The following SPATA9 variants were observed in gnomAD, a reference collection of about 807,000 sequenced individuals.
SPATA9 encodes the protein spermatogenesis associated 9.
SPATA9 carries 27 observed loss-of-function variants against 25.5 expected under a neutral mutation model. The observed-to-expected ratio is 1.06, with a 90% confidence interval of 0.78 to 1.46. The LOEUF is 1.46. Ranked by LOEUF, SPATA9 falls within the 40% of genes most tolerant of loss-of-function variation. SPATA9 has a pLI of 0.00. For synonymous variants in SPATA9, 102 were observed against 105.7 expected (o/e 0.97, Z 0.21); for missense variants, 282 against 297.5 (o/e 0.95, Z 0.38).
rs188022049 is a variant in SPATA9 at position 95,694,372 on chromosome 5, C to G, written n.124+4216G>C. On this transcript the variant is annotated intron_variant and non_coding_transcript_variant, in intron 1 of 2. Transcript: ENST00000379990. The stretch of plus-strand genomic sequence containing the variant: ...AGTATATTACTTAATTACCTAGCTA[C>G]TTAAGCAAATTTCCTTGGTCAAACC... 1.8e-4 allele frequency among the ~76,000 whole-genome samples: 27 copies of G among 152,230 alleles called. No individual in the cohort carries two copies. The East Asian group carries it at 3.9e-3, about 22-fold the overall frequency.
chr5:95,709,599 C>T, the SPATA9 span, among the ~76,000 whole-genome samples: 4 of 152,270 alleles, frequency 2.6e-5, no homozygotes, highest in Non-Finnish European at 4.4e-5. Context: ...CATTATCAGA[C>T]CCTATGGCAG....
chr5:95,686,144 A>G (rs1021742777), upstream of SPATA9, among the ~76,000 whole-genome samples: 1 of 152,158 alleles, frequency 6.6e-6, no homozygotes, highest in Admixed American at 6.6e-5. Flanking sequence ...AGTCAATAGT[A>G]GTTTTTATAA....
At chr5:95,673,609 T>C (rs1752624708) in intron 3 of SPATA9, among the ~76,000 whole-genome samples, 1 of 152,206 alleles carries the variant, frequency 6.6e-6, no homozygotes, top group Non-Finnish European at 1.5e-5. Context: ...TATAAAAAAC[T>C]ATAGGTTTGA....
chr5:95,690,915 T>G (rs1474747827), intron 1 of SPATA9, among the ~76,000 whole-genome samples: 2 of 152,178 alleles, frequency 1.3e-5, no homozygotes, highest in Non-Finnish European at 2.9e-5. Flanking sequence ...CAAATAAAAC[T>G]GTCTTTTCTT....
rs768523594 is a variant in SPATA9 at position 95,658,833 on chromosome 5, C to G, written c.555G>C (p.Glu185Asp). The G allele has an allele frequency of 6.2e-7, 1 of 1,613,810 alleles. No individual in the cohort carries two copies. Among genetic ancestry groups the G allele is most frequent in the African/African-American group, 1.3e-5 (1 of 74,916 alleles). ...AAAAGGCTTTTCTACAATTTTCACT[C>G]TCCTCTCTGTTTTGCCTTATGGATT... ...EEESIRQNRE[E>D]SENCRKAFSE... The change falls in exon 5 of 5, where the codon GAG (glutamate) becomes GAC (aspartate). Residue 185 changes from glutamate (E) to aspartate (D), a missense_variant. Glu to Asp is a conservative substitution (Grantham distance 45). Coordinates refer to ENST00000274432, the MANE Select transcript of SPATA9 (RefSeq NM_031952.4).
chr5:95,685,247 C>G (rs185313), upstream of SPATA9, among the ~76,000 whole-genome samples: 92,014 of 152,130 alleles, frequency 0.6, 28,582 homozygotes, highest in African/African-American at 0.74. Context: ...TTGGGTAAAA[C>G]TCAATGCTGG....
intron 4 of SPATA9, among the ~76,000 whole-genome samples, chr5:95,663,474 T>C (rs972218394): frequency 1.3e-5 from 2 of 152,184 alleles, no homozygotes; most frequent in African/African-American, 4.8e-5. Context: ...CTGTACACTT[T>C]CCTTTTTGTG....
upstream of SPATA9, among the ~76,000 whole-genome samples, chr5:95,687,803 T>C (rs930731055): frequency 6.6e-6 from 1 of 152,216 alleles, no homozygotes; most frequent in Non-Finnish European, 1.5e-5. Context: ...ATTTGTTGTC[T>C]GTTTCCCCTA....
At chr5:95,665,158 G>A (rs1580297097) in intron 3 of SPATA9, among the ~76,000 whole-genome samples, 1 of 152,174 alleles carries the variant, frequency 6.6e-6, no homozygotes, top group African/African-American at 2.4e-5. Context: ...GATCCAATCA[G>A]GGTAGTTAGC....
At chr5:95,673,323 T>C (rs1057132401) in intron 3 of SPATA9, among the ~76,000 whole-genome samples, 3 of 152,184 alleles carry the variant, frequency 2.0e-5, no homozygotes, top group African/African-American at 7.2e-5. Flanking sequence ...CTGATGCTTT[T>C]GCTGTGAATA....
chr5:95,671,921 G>GT (rs1301890270), intron 3 of SPATA9, among the ~76,000 whole-genome samples: 1 of 91,776 alleles, frequency 1.1e-5, no homozygotes, highest in East Asian at 2.4e-4. Flanking sequence ...ATTAAAAAAA[G>GT]TAAAAAAAAA....
intron 2 of SPATA9, among the ~76,000 whole-genome samples, chr5:95,676,411 A>AAACAAGAAT (rs1450695357): frequency 6.6e-6 from 1 of 152,230 alleles, no homozygotes; most frequent in African/African-American, 2.4e-5. Flanking sequence ...GCTATTAAGT[A>AAACAAGAAT]AACAAGAATT....
chr5:95,675,339 T>C (rs930420260), intron 3 of SPATA9, 73 bp downstream of exon 3: 4 of 1,248,958 alleles, frequency 3.2e-6, no homozygotes, highest in Non-Finnish European at 4.4e-6. Context: ...TTCACCACAT[T>C]TTATTTTTCA....
At chr5:95,693,421 T>A (rs1753937138) in intron 1 of SPATA9, among the ~76,000 whole-genome samples, 1 of 152,204 alleles carries the variant, frequency 6.6e-6, no homozygotes, top group Non-Finnish European at 1.5e-5. Context: ...ATATGCAACA[T>A]AATGAATAAA....
chr5:95,664,194 G>T, intron 3 of SPATA9, 146 bp from the exon 4 acceptor site: 1 of 453,582 alleles, frequency 2.2e-6, no homozygotes, highest in African/African-American at 2.0e-5. Context: ...TTCACATTGT[G>T]AAAATTATTT....
At chr5:95,699,519 C>T (rs555180402), upstream of SPATA9, among the ~76,000 whole-genome samples, 2 of 152,018 alleles carry the variant, frequency 1.3e-5, no homozygotes, top group Admixed American at 1.3e-4. Flanking sequence ...AAATGAGAAA[C>T]ATTTAGCAAT....
rs1175127824 is a variant in SPATA9 at position 95,675,415 on chromosome 5, A to AATACTGC, written c.374_375insGCAGTAT (p.Ile125MetfsTer12). 1 of 1,610,900 alleles carries AATACTGC rather than the reference A, an allele frequency of 6.2e-7. No homozygotes were observed. ...TGCATATGCAGTATTCCCTTACCTGAATGTTATATAGGGGTTGCCTCGGCG... is the reference window on the plus strand; with the variant it reads ...TGCATATGCAGTATTCCCTTACCTGAATACTGCATGTTATATAGGGGTTGCCTCGGCG... On this transcript the variant is annotated frameshift_variant, in exon 3 of 5. Transcript: ENST00000274432. LOFTEE classifies it high-confidence loss of function.
intron 2 of SPATA9, among the ~76,000 whole-genome samples, chr5:95,679,896 T>TTTTG (rs1187841362): frequency 1.3e-5 from 2 of 152,158 alleles, no homozygotes; most frequent in East Asian, 1.9e-4. Flanking sequence ...TCAGTTAACT[T>TTTTG]TTTGTTTGTT....
chr5:95,705,437 T>C, the SPATA9 span, among the ~76,000 whole-genome samples: 37,109 of 152,118 alleles, frequency 0.24, 4,766 homozygotes, highest in East Asian at 0.5. Context: ...GTTACTAGCA[T>C]GTCAATGACC....
Sources: allele counts gnomAD v4.1 joint callset (sites outside exome capture counted in the v4.1 genomes callset), GRCh38; gene constraint gnomAD v4.1.1; transcripts MANE v1.5; gene names NCBI Gene and HGNC (gene_info 2026-07-23, HGNC 2026-07-21).